The following SPTLC3 variants were observed in gnomAD, a reference collection of about 807,000 sequenced individuals.
SPTLC3 encodes serine palmitoyltransferase 3.
SPTLC3 carries 36 observed loss-of-function variants against 59.3 expected under a neutral mutation model. The ratio of observed to expected loss-of-function variants is 0.61; its 90% confidence interval spans 0.47 to 0.80. The LOEUF (loss-of-function observed/expected upper bound fraction) is 0.80. Ranked by LOEUF, SPTLC3 falls within the 30% of genes least tolerant of loss-of-function variation. The probability of loss-of-function intolerance (pLI) is 0.00; values close to 1 mark genes in which losing one functional copy is unlikely to be tolerated. For synonymous variants in SPTLC3, 257 were observed against 240.8 expected, an observed-to-expected ratio of 1.07 and a Z score of -0.62; for missense variants, 625 against 685.1, an observed-to-expected ratio of 0.91 and a Z score of 0.98.
At chr20:13,077,751 A>T (rs3910132) in intron 4 of SPTLC3, among the ~76,000 whole-genome samples, 44,509 of 151,964 alleles carry the variant, frequency 0.29, 6,548 homozygotes, top group Middle Eastern at 0.36. Flanking sequence ...AGGAATTTGA[A>T]ATAGTAATTT....
intron 5 of SPTLC3, among the ~76,000 whole-genome samples, chr20:13,091,409 C>T (rs1250976615): frequency 1.3e-5 from 2 of 151,762 alleles, no homozygotes; most frequent in Non-Finnish European, 2.9e-5. Flanking sequence ...CCCGTCTCTA[C>T]TAAAAATAAA....
chr20:13,026,446 T>C (rs982882917), intron 1 of SPTLC3, among the ~76,000 whole-genome samples: 2 of 152,202 alleles, frequency 1.3e-5, no homozygotes, highest in African/African-American at 2.4e-5. Flanking sequence ...TGGTATGTCA[T>C]TGTGGTTTTG....
intron 2 of SPTLC3, among the ~76,000 whole-genome samples, chr20:13,059,394 A>G (rs1314163560): frequency 2.0e-5 from 3 of 152,208 alleles, no homozygotes; most frequent in African/African-American, 4.8e-5. Context: ...CTCAGGTGAT[A>G]CAGATACACA....
chr20:13,103,527 A>C (rs1429949132), intron 6 of SPTLC3, among the ~76,000 whole-genome samples: 4 of 152,218 alleles, frequency 2.6e-5, no homozygotes, highest in Non-Finnish European at 5.9e-5. Flanking sequence ...GGCAGACACA[A>C]AAATATTTTT....
chr20:13,145,675 TAGCCA>T (rs2038493081), intron 9 of SPTLC3, among the ~76,000 whole-genome samples: 1 of 152,006 alleles, frequency 6.6e-6, no homozygotes, highest in South Asian at 2.1e-4. Flanking sequence ...AGAGCACAAA[TAGCCA>T]AGGCAATCCT....
chr20:13,148,106 G>A (rs79741606), intron 9 of SPTLC3, among the ~76,000 whole-genome samples: 2,840 of 152,264 alleles, frequency 0.019, 54 homozygotes, highest in South Asian at 0.03. Flanking sequence ...GGTAGTTTCA[G>A]CCATCTGTAA....
At chr20:13,035,576 G>A (rs780140634) in intron 1 of SPTLC3, among the ~76,000 whole-genome samples, 17 of 152,048 alleles carry the variant, frequency 1.1e-4, no homozygotes, top group Non-Finnish European at 2.2e-4. Flanking sequence ...CCAAATAAAC[G>A]TATCAACCAA....
At chr20:13,022,441 C>G (rs999403745) in intron 1 of SPTLC3, among the ~76,000 whole-genome samples, 2 of 152,192 alleles carry the variant, frequency 1.3e-5, no homozygotes, top group Non-Finnish European at 2.9e-5. Flanking sequence ...TTCTGCTGGT[C>G]AGGAATTCAG....
Position 13,086,615 on chromosome 20 carries a change from A to C in SPTLC3, c.608-4468A>C, listed in dbSNP as rs137994742. Among the ~76,000 whole-genome samples, 374 of 152,324 alleles carry C rather than the reference A, an allele frequency of 2.5e-3. 1 individual carries two copies. Among genetic ancestry groups the C allele is most frequent in the Non-Finnish European group, 4.8e-3 (327 of 68,032 alleles). ...ACTCTTAACTTGTAACTCAGCTGTGAGACATCTGGTCATAGAAATTGGTCT... is the reference window on the plus strand; with the variant it reads ...ACTCTTAACTTGTAACTCAGCTGTGCGACATCTGGTCATAGAAATTGGTCT... On this transcript the variant is annotated intron_variant, in intron 4 of 11. Transcript: ENST00000399002.
At chr20:13,097,547 C>G (rs1989462179) in intron 6 of SPTLC3, among the ~76,000 whole-genome samples, 1 of 152,050 alleles carries the variant, frequency 6.6e-6, no homozygotes, top group African/African-American at 2.4e-5. Flanking sequence ...TAGAATTTCT[C>G]TATTCTCTGT....
At position 13,118,918 on chromosome 20, in the gene SPTLC3, C is replaced by T. The variant is rs568716525; in HGVS notation, c.1152+1193C>T. 2.6e-5 allele frequency among the ~76,000 whole-genome samples: 4 copies of T among 152,340 alleles called. No individual in the cohort carries two copies. The East Asian group carries it at 7.7e-4, about 29-fold the overall frequency. ...TTAAAATGTTCAGAGTTTTAAGTGGCCTTTACCCTTCAATAAGCACTGCTT... is the reference window on the plus strand; with the variant it reads ...TTAAAATGTTCAGAGTTTTAAGTGGTCTTTACCCTTCAATAAGCACTGCTT... On this transcript the variant is annotated intron_variant, in intron 8 of 11. Transcript: ENST00000399002.
At chr20:13,020,870 G>A (rs188332911) in intron 1 of SPTLC3, among the ~76,000 whole-genome samples, 2 of 152,246 alleles carry the variant, frequency 1.3e-5, no homozygotes, top group Non-Finnish European at 2.9e-5. Flanking sequence ...AAGAATAAAT[G>A]AGATAGCACA....
chr20:13,132,171 ATTTTTT>A (rs35718222), intron 9 of SPTLC3, among the ~76,000 whole-genome samples: 9 of 104,000 alleles, frequency 8.7e-5, no homozygotes, highest in South Asian at 3.6e-4. Flanking sequence ...CCTTGCTTTA[ATTTTTT>A]TTTTTTTTTT....
At chr20:13,027,179 T>A (rs569494321) in intron 1 of SPTLC3, among the ~76,000 whole-genome samples, 4 of 152,340 alleles carry the variant, frequency 2.6e-5, no homozygotes, top group African/African-American at 9.6e-5. Context: ...TATTTGAATC[T>A]TTTATACAGG....
At chr20:13,135,346 T>A (rs2038217419) in intron 9 of SPTLC3, among the ~76,000 whole-genome samples, 1 of 152,190 alleles carries the variant, frequency 6.6e-6, no homozygotes, top group Non-Finnish European at 1.5e-5. Context: ...ATGTGGGATC[T>A]ACTTAACTCA....
At chr20:13,108,836 G>C (rs1285683164) in intron 6 of SPTLC3, among the ~76,000 whole-genome samples, 1 of 152,182 alleles carries the variant, frequency 6.6e-6, no homozygotes, top group Non-Finnish European at 1.5e-5. Flanking sequence ...CCTTTTGTGA[G>C]CATTTTAAAT....
chr20:13,118,263 T>C (rs1369420193), intron 8 of SPTLC3, among the ~76,000 whole-genome samples: 1 of 151,988 alleles, frequency 6.6e-6, no homozygotes, highest in African/African-American at 2.4e-5. Context: ...GTGGCAGGAA[T>C]GTACTTTTAA....
intron 9 of SPTLC3, among the ~76,000 whole-genome samples, chr20:13,141,783 T>C (rs1456317872): frequency 6.6e-6 from 1 of 152,188 alleles, no homozygotes; most frequent in Non-Finnish European, 1.5e-5. Flanking sequence ...AAAACAGATG[T>C]TGGTGCTATG....
intron 2 of SPTLC3, among the ~76,000 whole-genome samples, chr20:13,071,841 C>T (rs893235309): frequency 4.6e-5 from 7 of 152,090 alleles, no homozygotes; most frequent in African/African-American, 1.4e-4. Flanking sequence ...CCAGCAGGTC[C>T]GATAGTTCAA....
Sources: gnomAD v4.1 joint callset for allele counts (sites outside exome capture counted in the v4.1 genomes callset) on GRCh38, gnomAD v4.1.1 for gene constraint, MANE v1.5 for transcripts, NCBI Gene and HGNC (gene_info 2026-07-23, HGNC 2026-07-21) for gene names.